Variants in VPS37A observed in about 807,000 individuals in gnomAD.
VPS37A encodes the protein VPS37A subunit of ESCRT-I, also known as vacuolar protein sorting-associated protein 37A.
Under a neutral mutation model 49.8 loss-of-function variants are expected in VPS37A, and 30 were observed. That is an observed-to-expected ratio of 0.60 (90% confidence interval 0.45 to 0.82). The LOEUF is 0.82. Among genes scored for constraint, VPS37A ranks in the 40% least tolerant of loss-of-function variants. VPS37A has a pLI of 0.00. For synonymous variants in VPS37A, 195 were observed against 160.6 expected, an observed-to-expected ratio of 1.21 and a Z score of -1.62; for missense variants, 593 against 464.4, an observed-to-expected ratio of 1.28 and a Z score of -2.55.
downstream of VPS37A, chr8:17,302,460 A>G (rs1398594481): frequency 3.5e-6 from 2 of 575,286 alleles, no homozygotes. Context: ...TTCTTGGGTC[A>G]GTAAATGCCT....
At chr8:17,286,115 G>A (rs1302000597) in intron 10 of VPS37A, among the ~76,000 whole-genome samples, 1 of 152,088 alleles carries the variant, frequency 6.6e-6, no homozygotes, top group Non-Finnish European at 1.5e-5. Flanking sequence ...GAAGATGACA[G>A]GCATGTCTCA....
chr8:17,251,596 C>T (rs915035746), intron 1 of VPS37A, among the ~76,000 whole-genome samples: 7 of 152,204 alleles, frequency 4.6e-5, no homozygotes, highest in Admixed American at 1.3e-4. Flanking sequence ...GGCAGAACTA[C>T]TTCTGACTTT....
rs751031580 is a variant in VPS37A at position 17,247,234 on chromosome 8, A to G, written c.-11A>G. 21 of 1,566,346 alleles carry G rather than the reference A, an allele frequency of 1.3e-5. No individual in the cohort carries two copies. Among genetic ancestry groups the G allele is most frequent in the Non-Finnish European group, 1.8e-5 (21 of 1,155,510 alleles). ...GCCTTCCAGGGCCTCCGGCCCGTGG[A>G]CCCGAGGAGGATGAGCTGGCTTTTT... On this transcript the variant is annotated 5_prime_UTR_variant, in exon 1 of 12. Transcript: ENST00000324849.
intron 1 of VPS37A, among the ~76,000 whole-genome samples, chr8:17,261,700 A>G (rs1812977833): frequency 6.6e-6 from 1 of 152,164 alleles, no homozygotes. Flanking sequence ...CTTGGCTCTA[A>G]TAAGTACCTG....
downstream of VPS37A, among the ~76,000 whole-genome samples, chr8:17,304,685 G>A (rs1037937568): frequency 1.3e-5 from 2 of 151,336 alleles, no homozygotes; most frequent in African/African-American, 4.9e-5. Context: ...TATAGAGGGA[G>A]AACACTGTAA....
At chr8:17,282,581 C>T (rs1426332089) in intron 9 of VPS37A, among the ~76,000 whole-genome samples, 1 of 152,030 alleles carries the variant, frequency 6.6e-6, no homozygotes, top group Non-Finnish European at 1.5e-5. Context: ...TTAGCCTATA[C>T]AACAAATACT....
At chr8:17,254,710 T>C (rs1425344753) in intron 1 of VPS37A, among the ~76,000 whole-genome samples, 1 of 152,180 alleles carries the variant, frequency 6.6e-6, no homozygotes, top group East Asian at 1.9e-4. Flanking sequence ...TATCTGTATA[T>C]GGTAGTTTTT....
the VPS37A span, among the ~76,000 whole-genome samples, chr8:17,319,267 CT>C: frequency 2.0e-5 from 3 of 152,144 alleles, no homozygotes; most frequent in Non-Finnish European, 4.4e-5. Context: ...ATAAAAACAC[CT>C]TCCTCAAACA....
chr8:17,311,263 C>G, the VPS37A span, among the ~76,000 whole-genome samples: 2 of 152,068 alleles, frequency 1.3e-5, no homozygotes, highest in East Asian at 1.9e-4. Flanking sequence ...TATATTTGCC[C>G]CAAAACTCAT....
At chr8:17,302,718 CT>C (rs1323273679), downstream of VPS37A, among the ~76,000 whole-genome samples, 9 of 87,782 alleles carry the variant, frequency 1.0e-4, no homozygotes, top group East Asian at 3.9e-4. Flanking sequence ...CCCCCCCCCG[CT>C]TTTTTTTTTA....
Position 17,274,734 on chromosome 8 carries a change from C to T in VPS37A, c.418C>T (p.Leu140=), listed in dbSNP as rs143689645. 4.3e-4 allele frequency: 686 copies of T among 1,611,314 alleles called. 7 individuals are homozygous for T. In the East Asian group the frequency reaches 0.015, roughly 34 times the overall value. ...LAPTSTAFPY[L]YSNPSGMSPY... ...ATGATCTTCTCTTTTTCTTTTCAGT[C>T]TATACAGTAACCCAAGTGGGATGTC... The change falls in exon 5 of 12, where the codon CTA becomes TTA. Residue 140 remains leucine, a splice_region_variant and synonymous_variant. Coordinates refer to ENST00000324849, the MANE Select transcript of VPS37A (RefSeq NM_152415.3).
intron 6 of VPS37A, among the ~76,000 whole-genome samples, chr8:17,277,990 G>A (rs573388043): frequency 3.3e-5 from 5 of 151,924 alleles, no homozygotes; most frequent in South Asian, 2.1e-4. Flanking sequence ...ACATCCATGC[G>A]TGTATATTAG....
At chr8:17,254,126 A>G (rs1015953120) in intron 1 of VPS37A, among the ~76,000 whole-genome samples, 1 of 151,660 alleles carries the variant, frequency 6.6e-6, no homozygotes, top group Non-Finnish European at 1.5e-5. Context: ...TTTTATTCAA[A>G]CCTTTATGAC....
At chr8:17,268,227 T>G (rs1585982965) in intron 2 of VPS37A, 31 bp from the exon 3 acceptor site, 1 of 1,474,480 alleles carries the variant, frequency 6.8e-7, no homozygotes, top group African/African-American at 1.4e-5. Flanking sequence ...TTATCTTTGT[T>G]TTTGTTTTTC....
downstream of VPS37A, among the ~76,000 whole-genome samples, chr8:17,307,008 G>A (rs1489059575): frequency 6.6e-6 from 1 of 152,154 alleles, no homozygotes; most frequent in African/African-American, 2.4e-5. Flanking sequence ...AACACCAAAA[G>A]CAATGGCAGC....
At chr8:17,323,530 C>T in the VPS37A span, among the ~76,000 whole-genome samples, 5 of 152,068 alleles carry the variant, frequency 3.3e-5, no homozygotes, top group South Asian at 4.2e-4. Context: ...CTGGAAAGTC[C>T]GGCGTGGATG....
At chr8:17,283,867 C>T (rs938158668) in intron 9 of VPS37A, among the ~76,000 whole-genome samples, 1 of 152,156 alleles carries the variant, frequency 6.6e-6, no homozygotes, top group Admixed American at 6.5e-5. Context: ...GCAAAAAATG[C>T]CCTTGAGATT....
intron 3 of VPS37A, among the ~76,000 whole-genome samples, chr8:17,268,649 A>G (rs979824565): frequency 9.2e-5 from 14 of 152,286 alleles, no homozygotes; most frequent in African/African-American, 3.1e-4. Flanking sequence ...TTTTTATTCA[A>G]TGGACTTTTA....
chr8:17,315,492 A>G, the VPS37A span, among the ~76,000 whole-genome samples: 1 of 152,222 alleles, frequency 6.6e-6, no homozygotes, highest in Non-Finnish European at 1.5e-5. Flanking sequence ...GTGCCAATGT[A>G]GGTGCACTGA....
Sources: allele counts gnomAD v4.1 joint callset (sites outside exome capture counted in the v4.1 genomes callset), GRCh38; gene constraint gnomAD v4.1.1; transcripts MANE v1.5; gene names NCBI Gene and HGNC (gene_info 2026-07-23, HGNC 2026-07-21).